RIMS2: variants seen among roughly 807,000 people sequenced by gnomAD.
RIMS2 encodes the protein regulating synaptic membrane exocytosis protein 2.
In RIMS2, 59 loss-of-function variants were observed where a neutral mutation model predicts 174.4. The observed-to-expected ratio is 0.34, with a 90% CI of 0.27 to 0.42. The LOEUF is 0.42. Among genes scored for constraint, RIMS2 ranks in the 10% least tolerant of loss-of-function variants. The pLI is 1.00. For missense variants in RIMS2, 1,620 were observed against 1,666.3 expected, an observed-to-expected ratio of 0.97 and a Z score of 0.48; for synonymous variants, 606 against 572.5, an observed-to-expected ratio of 1.06 and a Z score of -0.84.
intron 1 of RIMS2, among the ~76,000 whole-genome samples, chr8:103,526,658 C>G (rs1200605019): frequency 6.6e-6 from 1 of 151,976 alleles, no homozygotes; most frequent in African/African-American, 2.4e-5. Flanking sequence ...ATTAAGAACC[C>G]ATTGAATGTA....
At chr8:103,786,515 C>T (rs1224699018) in intron 3 of RIMS2, among the ~76,000 whole-genome samples, 4 of 152,170 alleles carry the variant, frequency 2.6e-5, no homozygotes, top group Non-Finnish European at 4.4e-5. Context: ...TTTCTGCCTT[C>T]ACTTCGTTAT....
At chr8:104,103,251 AC>A (rs1470420185) in intron 19 of RIMS2, among the ~76,000 whole-genome samples, 3 of 152,192 alleles carry the variant, frequency 2.0e-5, no homozygotes, top group Admixed American at 2.0e-4. Context: ...GAGAATGACT[AC>A]TAATAGATAC....
At chr8:104,087,874 G>C (rs1186258363) in intron 19 of RIMS2, among the ~76,000 whole-genome samples, 1 of 152,052 alleles carries the variant, frequency 6.6e-6, no homozygotes, top group Non-Finnish European at 1.5e-5. Context: ...GTTAGGCTCA[G>C]CTTTACTGCA....
chr8:103,726,167 T>C (rs1331365162), intron 2 of RIMS2, among the ~76,000 whole-genome samples: 5 of 152,166 alleles, frequency 3.3e-5, no homozygotes, highest in African/African-American at 1.2e-4. Context: ...TGACTTATGA[T>C]GGAGTTACAT....
chr8:103,576,415 A>G (rs1014928340), intron 1 of RIMS2, among the ~76,000 whole-genome samples: 3 of 152,242 alleles, frequency 2.0e-5, no homozygotes, highest in African/African-American at 7.2e-5. Flanking sequence ...CCTTGAATGC[A>G]AAGATGTAAA....
chr8:104,223,992 G>A (rs2099169690), intron 19 of RIMS2, among the ~76,000 whole-genome samples: 1 of 152,228 alleles, frequency 6.6e-6, no homozygotes, highest in Non-Finnish European at 1.5e-5. Context: ...GAGCTCCACA[G>A]GCGCCGACTT....
At chr8:104,089,788 A>T (rs916064108) in intron 19 of RIMS2, among the ~76,000 whole-genome samples, 33 of 151,832 alleles carry the variant, frequency 2.2e-4, no homozygotes, top group African/African-American at 7.7e-4. Context: ...TGCTTTAGGC[A>T]TTGGAAATAA....
At chr8:103,556,259 A>G (rs1427023449) in intron 1 of RIMS2, among the ~76,000 whole-genome samples, 1 of 152,222 alleles carries the variant, frequency 6.6e-6, no homozygotes, top group African/African-American at 2.4e-5. Context: ...TAGTCATTCT[A>G]CAATGTATAC....
intron 14 of RIMS2, among the ~76,000 whole-genome samples, chr8:103,945,768 A>G (rs941090555): frequency 1.3e-5 from 2 of 152,104 alleles, no homozygotes. Context: ...AAAAAAGTGA[A>G]TGGTCATAGA....
intron 1 of RIMS2, among the ~76,000 whole-genome samples, chr8:103,563,928 A>G (rs950806945): frequency 6.6e-6 from 1 of 152,170 alleles, no homozygotes; most frequent in African/African-American, 2.4e-5. Context: ...AGACTTATTC[A>G]CTGTCATGAG....
At chr8:103,604,178 A>C (rs1010095123) in intron 1 of RIMS2, among the ~76,000 whole-genome samples, 1 of 150,614 alleles carries the variant, frequency 6.6e-6, no homozygotes, top group Non-Finnish European at 1.5e-5. Flanking sequence ...TTTTTGTATA[A>C]GGTGTAAGGA....
chr8:103,632,975 C>T (rs9774228), intron 1 of RIMS2, among the ~76,000 whole-genome samples: 27,006 of 147,306 alleles, frequency 0.18, 2,675 homozygotes, highest in African/African-American at 0.26. Flanking sequence ...CCCTGTGATC[C>T]GCCCACCTTG....
At chr8:104,137,921 A>G (rs773490443) in intron 19 of RIMS2, among the ~76,000 whole-genome samples, 3 of 151,884 alleles carry the variant, frequency 2.0e-5, no homozygotes, top group African/African-American at 4.8e-5. Flanking sequence ...AATCATCCCT[A>G]TTCTCCCCAC....
chr8:103,876,887 T>TAC (rs2099142150), intron 3 of RIMS2, among the ~76,000 whole-genome samples: 7 of 51,566 alleles, frequency 1.4e-4, no homozygotes, highest in Non-Finnish European at 1.9e-4. Context: ...TATATATATA[T>TAC]ATATATATAT....
chr8:103,945,189 A>T (rs2083428205), intron 14 of RIMS2, among the ~76,000 whole-genome samples: 1 of 152,092 alleles, frequency 6.6e-6, no homozygotes, highest in South Asian at 2.1e-4. Context: ...TTACATTGGA[A>T]TACAATGAAC....
Position 103,710,051 on chromosome 8 carries a change from A to AT in RIMS2, c.387+12764dup, listed in dbSNP as rs985977046. ...TCTAAATAAAAAGACTCTGGAATGT[A>AT]TTTTTTTTTCAAATTTGATCATCAT... On this transcript the variant is annotated intron_variant, in intron 2 of 23. Coordinates refer to ENST00000504942, the Ensembl canonical transcript of RIMS2. 4.4e-4 allele frequency among the ~76,000 whole-genome samples: 67 copies of AT among 150,614 alleles called. 1 individual carries two copies. Among genetic ancestry groups the AT allele is most frequent in the East Asian group, 2.9e-3 (15 of 5,128 alleles).
chr8:103,753,540 G>T (rs1195002116), intron 2 of RIMS2, among the ~76,000 whole-genome samples: 1 of 152,082 alleles, frequency 6.6e-6, no homozygotes, highest in Admixed American at 6.6e-5. Context: ...ACCTCTGGTA[G>T]AATTCGGCTG....
intron 12 of RIMS2, among the ~76,000 whole-genome samples, chr8:103,935,627 C>A (rs1298655007): frequency 6.6e-6 from 1 of 152,088 alleles, no homozygotes; most frequent in African/African-American, 2.4e-5. Context: ...TTAAATAGTT[C>A]TCTTAGGTAG....
chr8:103,780,328 T>A (rs1304034158), intron 3 of RIMS2, among the ~76,000 whole-genome samples: 1 of 152,200 alleles, frequency 6.6e-6, no homozygotes, highest in Admixed American at 6.5e-5. Context: ...TCTTTGAAGC[T>A]TTTACCTTTT....
Sources: allele counts gnomAD v4.1 joint callset (sites outside exome capture counted in the v4.1 genomes callset), GRCh38; gene constraint gnomAD v4.1.1; transcripts MANE v1.5; gene names NCBI Gene and HGNC (gene_info 2026-07-23, HGNC 2026-07-21).